HEXB: variants seen among roughly 807,000 people sequenced by gnomAD.
HEXB encodes the protein beta-hexosaminidase subunit beta.
A neutral mutation model predicts 71.2 loss-of-function variants in HEXB; 51 were observed. The observed-to-expected ratio is 0.72, with a 90% confidence interval of 0.57 to 0.90. The LOEUF is 0.90. Among genes scored for constraint, HEXB ranks in the 40% least tolerant of loss-of-function variants. The pLI, the probability that HEXB is intolerant of heterozygous loss-of-function variation, is 0.00. For missense variants in HEXB, 617 were observed against 677.0 expected, an observed-to-expected ratio of 0.91 and a Z score of 0.98; for synonymous variants, 266 against 249.3, an observed-to-expected ratio of 1.07 and a Z score of -0.63.
intron 1 of HEXB, among the ~76,000 whole-genome samples, chr5:74,674,619 A>AG (rs1200777094): frequency 9.2e-5 from 14 of 151,616 alleles, no homozygotes; most frequent in African/African-American, 2.4e-4. Flanking sequence ...AAAAAAAAAA[A>AG]AAGAAGAAGA....
chr5:74,664,928 T>C (rs574619867), intron 1 of HEXB, among the ~76,000 whole-genome samples: 3 of 152,212 alleles, frequency 2.0e-5, no homozygotes, highest in East Asian at 1.9e-4. Flanking sequence ...GGGCACGACA[T>C]ATCCCATTAC....
At chr5:74,711,999 C>T (rs1305166046) in intron 6 of HEXB, among the ~76,000 whole-genome samples, 30 of 147,410 alleles carry the variant, frequency 2.0e-4, no homozygotes, top group Non-Finnish European at 4.2e-4. Context: ...TATTGTGGCA[C>T]TATTCACAAT....
At chr5:74,712,515 T>C (rs1251058493) in intron 6 of HEXB, among the ~76,000 whole-genome samples, 1 of 152,230 alleles carries the variant, frequency 6.6e-6, no homozygotes, top group African/African-American at 2.4e-5. Flanking sequence ...AAAAAATTAT[T>C]TTAAAACATT....
chr5:74,703,975 G>A lies in HEXB; in HGVS notation c.670-1244G>A, dbSNP rs183829190. ...GTTACAGATGTGAGCCACCGTGTCT[G>A]GCCTCACAAATAAAGTTTACAGGAA... is the stretch of plus-strand genomic sequence containing the variant. On this transcript the variant is annotated intron_variant, in intron 5 of 13. Coordinates refer to ENST00000261416, the MANE Select transcript of HEXB (RefSeq NM_000521.4). Among the ~76,000 whole-genome samples the A allele has an allele frequency of 7.2e-5, 11 of 152,276 alleles. No individual in the cohort carries two copies. The East Asian group carries it at 2.1e-3, about 29-fold the overall frequency.
Position 74,685,558 on chromosome 5 carries a change from C to T in HEXB, c.298C>T (p.Arg100Ter), listed in dbSNP as rs1007338250. The T allele has an allele frequency of 6.5e-7, 1 of 1,547,346 alleles. No homozygotes were observed. The highest frequency in any genetic ancestry group is 8.7e-7 in the Non-Finnish European group (1 of 1,149,536). ...SCTLLEEAFR[R>*]YHGYIFGFYK... The stretch of plus-strand genomic sequence containing the variant: ...CACCCTGCTGGAGGAAGCGTTTCGA[C>T]GGTGAGCGCTCCCGGCCCGGCCGGG... The change falls in exon 1 of 14, where the codon CGA (arginine) becomes TGA (stop). Residue 100 changes from arginine to a stop codon, truncating the protein, a stop_gained and splice_region_variant. Transcript: ENST00000261416. LOFTEE classifies it high-confidence loss of function.
chr5:74,707,623 C>T (rs939185620), intron 6 of HEXB, among the ~76,000 whole-genome samples: 5 of 152,154 alleles, frequency 3.3e-5, no homozygotes, highest in Non-Finnish European at 7.4e-5. Context: ...AGCCAAGGCT[C>T]GAGAACTACG....
chr5:74,692,334 CAAAAAAA>C lies in HEXB; in HGVS notation c.446-1293_446-1287del, dbSNP rs916578254. On this transcript the variant is annotated intron_variant, in intron 2 of 13. Coordinates refer to ENST00000261416, the MANE Select transcript of HEXB (RefSeq NM_000521.4). ...GCAACATGGCAAAACCCTGTCTCTA[CAAAAAAA>C]AAAAAAAAAAAGAAAGAGAAAAATT... is the stretch of plus-strand genomic sequence containing the variant. 3.4e-4 allele frequency among the ~76,000 whole-genome samples: 18 copies of C among 52,444 alleles called. No homozygotes were observed. The South Asian group carries it at 4.2e-3, about 12-fold the overall frequency. The allele number at this position is 52,444 out of a possible 152,430, so 34.4% of individuals were successfully genotyped here. A position where few individuals can be genotyped will look rare whatever the true frequency, so the allele number is the denominator to read the frequency against.
intron 7 of HEXB, among the ~76,000 whole-genome samples, chr5:74,713,841 T>G (rs1006391124): frequency 6.6e-6 from 1 of 151,834 alleles, no homozygotes; most frequent in Non-Finnish European, 1.5e-5. Flanking sequence ...TTTTTGTTTT[T>G]GTTTTGTTTT....
At chr5:74,708,638 A>T (rs1458990014) in intron 6 of HEXB, among the ~76,000 whole-genome samples, 1 of 152,102 alleles carries the variant, frequency 6.6e-6, no homozygotes, top group Non-Finnish European at 1.5e-5. Flanking sequence ...AGGGGTTGCA[A>T]TCCTAGTCTC....
chr5:74,688,963 CT>C (rs2112128426), intron 1 of HEXB, among the ~76,000 whole-genome samples: 1 of 152,328 alleles, frequency 6.6e-6, no homozygotes, highest in East Asian at 1.9e-4. Context: ...AGAACTCCCC[CT>C]AACCCCCACA....
chr5:74,660,821 G>A (rs1748304299), intron 1 of HEXB, among the ~76,000 whole-genome samples: 1 of 152,088 alleles, frequency 6.6e-6, no homozygotes, highest in African/African-American at 2.4e-5. Flanking sequence ...TGATCCCTGG[G>A]GATACACAAA....
rs73114738 is a variant in HEXB at position 74,689,532 on chromosome 5, T to C, written c.445+59T>C. ...CCAGGTGCTCGCTGACGGACTTAAG[T>C]GCCAAAAACTGACTCCATGCTAGGA... On this transcript the variant is annotated intron_variant, in intron 2 of 13. Transcript: ENST00000261416. 4,324 of 1,404,018 alleles carry C rather than the reference T, an allele frequency of 3.1e-3. 99 individuals are homozygous for C. In the African/African-American group the frequency reaches 0.053, roughly 17 times the overall value. 87.0% of individuals were successfully genotyped at this position (1,404,018 alleles called of 1,614,324 possible).
intron 6 of HEXB, 187 bp downstream of exon 6, chr5:74,705,507 C>A: frequency 1.7e-6 from 1 of 583,342 alleles, no homozygotes; most frequent in Non-Finnish European, 3.0e-6. Flanking sequence ...ATTGTTATAA[C>A]GGTTACTGTA....
intron 6 of HEXB, among the ~76,000 whole-genome samples, chr5:74,712,436 T>TA (rs763101911): frequency 8.7e-6 from 1 of 115,218 alleles, no homozygotes; most frequent in East Asian, 2.0e-4. Context: ...ATGATAATAA[T>TA]AAAAAAAAGA....
At chr5:74,715,380 G>A in intron 7 of HEXB, 130 bp from the exon 8 acceptor site, 1 of 685,640 alleles carries the variant, frequency 1.5e-6, no homozygotes, top group Non-Finnish European at 2.5e-6. Context: ...CTAGCTCTTA[G>A]TAAACATGTT....
intron 1 of HEXB, among the ~76,000 whole-genome samples, chr5:74,674,076 G>T (rs1295788781): frequency 6.6e-6 from 1 of 152,080 alleles, no homozygotes; most frequent in Non-Finnish European, 1.5e-5. Flanking sequence ...ATTTGTATAG[G>T]TGGGAACAGA....
chr5:74,720,892 A>G (rs1474601876), intron 13 of HEXB, 145 bp downstream of exon 13: 17 of 806,118 alleles, frequency 2.1e-5, no homozygotes, highest in Non-Finnish European at 3.6e-5. Context: ...TAATACCTGT[A>G]AAGATATATT....
At chr5:74,717,442 C>T (rs1749698483) in intron 9 of HEXB, among the ~76,000 whole-genome samples, 1 of 151,222 alleles carries the variant, frequency 6.6e-6, no homozygotes, top group African/African-American at 2.4e-5. Context: ...TGTTCAGTAG[C>T]CAGCTGAGGC....
chr5:74,706,659 C>T (rs997281282), intron 6 of HEXB, among the ~76,000 whole-genome samples: 2 of 152,174 alleles, frequency 1.3e-5, no homozygotes, highest in Admixed American at 6.5e-5. Flanking sequence ...GCACCTGGCT[C>T]GGAGGGTCCT....
Sources: gnomAD v4.1 joint callset for allele counts (sites outside exome capture counted in the v4.1 genomes callset) on GRCh38, gnomAD v4.1.1 for gene constraint, MANE v1.5 for transcripts, NCBI Gene and HGNC (gene_info 2026-07-23, HGNC 2026-07-21) for gene names.